The following MYBL2 variants were observed in gnomAD, a reference collection of about 807,000 sequenced individuals.
The protein encoded by MYBL2 is myb-related protein B.
In MYBL2, 28 loss-of-function variants were observed where a neutral mutation model predicts 79.9. The observed-to-expected ratio is 0.35, with a 90% CI of 0.26 to 0.48. The LOEUF is 0.48. Among genes scored for constraint, MYBL2 ranks in the 20% least tolerant of loss-of-function variants. The pLI, the probability that MYBL2 is intolerant of heterozygous loss-of-function variation, is 0.99. For synonymous variants in MYBL2, 378 were observed against 361.2 expected (o/e 1.05, Z -0.53); for missense variants, 735 against 893.9 (o/e 0.82, Z 2.27).
intron 8 of MYBL2, among the ~76,000 whole-genome samples, chr20:43,703,377 G>C (rs1377874056): frequency 1.3e-5 from 2 of 152,214 alleles, no homozygotes; most frequent in African/African-American, 4.8e-5. Flanking sequence ...GAAGTGCCAT[G>C]TGATAGCAAT....
At chr20:43,711,436 C>A in intron 10 of MYBL2, 52 bp from the exon 11 acceptor site, 1 of 1,469,682 alleles carries the variant, frequency 6.8e-7, no homozygotes, top group Non-Finnish European at 9.4e-7. Context: ...GTCCCACACA[C>A]ACACAGCCCG....
At chr20:43,670,735 G>A (rs1300450512) in intron 1 of MYBL2, among the ~76,000 whole-genome samples, 1 of 152,112 alleles carries the variant, frequency 6.6e-6, no homozygotes, top group Non-Finnish European at 1.5e-5. Context: ...GGAGAACAAG[G>A]AGAAGGTAAT....
chr20:43,693,148 C>T (rs1425239514), intron 6 of MYBL2, among the ~76,000 whole-genome samples: 2 of 152,096 alleles, frequency 1.3e-5, no homozygotes, highest in African/African-American at 2.4e-5. Context: ...TCTCATGCCT[C>T]AGCAACCTGA....
chr20:43,686,044 A>C (rs1310149238), intron 4 of MYBL2, among the ~76,000 whole-genome samples: 2 of 152,242 alleles, frequency 1.3e-5, no homozygotes, highest in Admixed American at 6.5e-5. Flanking sequence ...TCTCAAAAAA[A>C]ATAAATAAAA....
chr20:43,682,910 C>T (rs2145714827), intron 4 of MYBL2, 24 bp downstream of exon 4: 1 of 1,601,504 alleles, frequency 6.2e-7, no homozygotes, highest in Non-Finnish European at 8.6e-7. Context: ...CAGTGCCTTG[C>T]ACACAGTGGG....
chr20:43,694,786 T>C (rs939780600), intron 6 of MYBL2, among the ~76,000 whole-genome samples: 10 of 152,206 alleles, frequency 6.6e-5, no homozygotes, highest in African/African-American at 1.7e-4. Flanking sequence ...AAGTAGTATG[T>C]GTTTGATCTT....
chr20:43,683,431 G>A (rs1987189322), intron 4 of MYBL2, among the ~76,000 whole-genome samples: 1 of 152,090 alleles, frequency 6.6e-6, no homozygotes, highest in Admixed American at 6.6e-5. Flanking sequence ...TAAGTGCCAT[G>A]ACTGCCTGGG....
At chr20:43,689,483 C>T (rs182790935) in intron 5 of MYBL2, among the ~76,000 whole-genome samples, 1 of 152,294 alleles carries the variant, frequency 6.6e-6, no homozygotes, top group African/African-American at 2.4e-5. Flanking sequence ...TCCCTCGAAC[C>T]CTGAGCTCTT....
intron 9 of MYBL2, among the ~76,000 whole-genome samples, chr20:43,709,102 G>C (rs1023146671): frequency 3.9e-5 from 6 of 152,316 alleles, no homozygotes; most frequent in Admixed American, 1.3e-4. Flanking sequence ...GAGGCCCCAG[G>C]CTGCTGTTTC....
chr20:43,707,332 G>T (rs928225211), intron 9 of MYBL2, among the ~76,000 whole-genome samples: 32 of 152,236 alleles, frequency 2.1e-4, no homozygotes, highest in African/African-American at 7.5e-4. Flanking sequence ...CAGAGATGCT[G>T]TCACTACAAA....
intron 9 of MYBL2, among the ~76,000 whole-genome samples, chr20:43,707,195 T>A (rs63641661): frequency 0.068 from 9,064 of 133,404 alleles, 325 homozygotes; most frequent in African/African-American, 0.1. Flanking sequence ...TTTTTTTTTT[T>A]AAAAAAAAAA....
At chr20:43,682,453 A>C (rs1600547015) in intron 3 of MYBL2, among the ~76,000 whole-genome samples, 2 of 152,210 alleles carry the variant, frequency 1.3e-5, no homozygotes, top group South Asian at 4.1e-4. Context: ...TCTTCTGTGT[A>C]ATCTGAACTC....
intron 1 of MYBL2, 81 bp downstream of exon 1, chr20:43,667,384 C>G (rs1269399499): frequency 2.9e-5 from 30 of 1,034,510 alleles, no homozygotes; most frequent in Non-Finnish European, 3.7e-5. Flanking sequence ...CCGACCCTCC[C>G]CAGGCTCCCA....
chr20:43,705,508 A>G (rs979119646), intron 9 of MYBL2, 150 bp downstream of exon 9: 37 of 926,854 alleles, frequency 4.0e-5, no homozygotes, highest in Non-Finnish European at 5.3e-5. Context: ...CTTTCTGGCC[A>G]CCACGATTTA....
At chr20:43,668,155 C>T (rs1230615010) in intron 1 of MYBL2, among the ~76,000 whole-genome samples, 1 of 150,842 alleles carries the variant, frequency 6.6e-6, no homozygotes. Flanking sequence ...GACCTCTTCC[C>T]TGCCTGGATC....
chr20:43,708,992 T>C (rs531020761), intron 9 of MYBL2, among the ~76,000 whole-genome samples: 1 of 152,328 alleles, frequency 6.6e-6, no homozygotes, highest in South Asian at 2.1e-4. Flanking sequence ...CCCTGCCTAA[T>C]CTCTAGGTCC....
At chr20:43,667,440 G>A in intron 1 of MYBL2, 137 bp downstream of exon 1, 1 of 578,938 alleles carries the variant, frequency 1.7e-6, no homozygotes, top group Non-Finnish European at 2.4e-6. Context: ...TGTTTCCGCG[G>A]AAATGCTGCG....
At chr20:43,687,181 A>G in intron 5 of MYBL2, 109 bp downstream of exon 5, 2 of 1,173,972 alleles carry the variant, frequency 1.7e-6, no homozygotes, top group Non-Finnish European at 2.4e-6. Context: ...CTTGTTCTGT[A>G]ACACCCAGCC....
chr20:43,711,893 G>C (rs1600566817), intron 11 of MYBL2, among the ~76,000 whole-genome samples: 1 of 152,134 alleles, frequency 6.6e-6, no homozygotes, highest in Non-Finnish European at 1.5e-5. Flanking sequence ...CAGCAATTAC[G>C]ACCCAGACTG....
Sources: allele counts gnomAD v4.1 joint callset (sites outside exome capture counted in the v4.1 genomes callset), GRCh38; gene constraint gnomAD v4.1.1; transcripts MANE v1.5; gene names NCBI Gene and HGNC (gene_info 2026-07-23, HGNC 2026-07-21).